The following HECTD4 variants were observed in gnomAD, a reference collection of about 807,000 sequenced individuals.
HECTD4 encodes HECT domain E3 ubiquitin protein ligase 4, also known as probable E3 ubiquitin-protein ligase HECTD4.
HECTD4 carries 114 observed loss-of-function variants against 471.5 expected under a neutral mutation model. The observed-to-expected ratio is 0.24, with a 90% CI of 0.21 to 0.28. HECTD4 has a LOEUF of 0.28. HECTD4 is among the 10% of genes least tolerant of loss of function. HECTD4 has a pLI of 1.00. For synonymous variants in HECTD4, 2,012 were observed against 2,256.0 expected, an observed-to-expected ratio of 0.89 and a Z score of 3.07; for missense variants, 3,866 against 5,651.5, an observed-to-expected ratio of 0.68 and a Z score of 10.13.
intron 66 of HECTD4, among the ~76,000 whole-genome samples, chr12:112,174,452 C>A (rs1566060570): frequency 6.7e-6 from 1 of 150,350 alleles, no homozygotes. Context: ...CAGGGTTTCA[C>A]CACGTTGATC....
intron 44 of HECTD4, 107 bp from the exon 45 acceptor site, chr12:112,219,596 C>A: frequency 4.4e-6 from 3 of 676,564 alleles, no homozygotes; most frequent in Non-Finnish European, 2.4e-6. Context: ...TTATAGAGCT[C>A]ATTGAATTTT....
rs2030754803 is a variant in HECTD4, at chr12:112,163,009, C to T, written c.13120+33G>A. On this transcript the variant is annotated intron_variant, in intron 75 of 75. Coordinates refer to ENST00000682272, the MANE Select transcript of HECTD4 (RefSeq NM_001388303.1). The surrounding 1 kb of genome is among the most constrained non-coding windows in gnomAD (Gnocchi z 8.2). ...CCAAACAGAGAAAGGCTAGTGTGTC[C>T]CTACTTGGGACATGGCCAGGGGAGG... 6.6e-7 allele frequency: 1 copy of T among 1,508,678 alleles called. No individual in the cohort carries two copies. The highest frequency in any genetic ancestry group is 1.7e-5 in the Admixed American group (1 of 57,480). The allele number at this position is 1,508,678 out of a possible 1,614,324, so 93.5% of individuals were successfully genotyped here.
intron 55 of HECTD4, 127 bp downstream of exon 55, chr12:112,200,511 C>T (rs1180819449): frequency 9.9e-7 from 1 of 1,005,296 alleles, no homozygotes; most frequent in African/African-American, 1.6e-5. Flanking sequence ...TCTTTATTAG[C>T]TGCCTTCTCT....
chr12:112,304,754 T>C (rs1281106805), intron 7 of HECTD4, among the ~76,000 whole-genome samples: 2 of 152,100 alleles, frequency 1.3e-5, no homozygotes, highest in Non-Finnish European at 2.9e-5. Flanking sequence ...AGATTCACTC[T>C]GGCAGGGACA....
At chr12:112,264,530 G>T (rs2135606949) in intron 16 of HECTD4, among the ~76,000 whole-genome samples, 1 of 152,042 alleles carries the variant, frequency 6.6e-6, no homozygotes, top group South Asian at 2.1e-4. Context: ...ACCCTTAAAA[G>T]AATCTTTTGA....
rs2032936533 is a variant in HECTD4, at chr12:112,217,033, C to T, written c.7236+1G>A. 6.3e-7 allele frequency: 1 copy of T among 1,583,446 alleles called. No homozygotes were observed. Among genetic ancestry groups the T allele is most frequent in the Non-Finnish European group, 8.6e-7 (1 of 1,160,528 alleles). On this transcript the variant is annotated splice_donor_variant, in intron 46 of 75. Coordinates refer to ENST00000682272, the MANE Select transcript of HECTD4 (RefSeq NM_001388303.1). LOFTEE classifies it high-confidence loss of function. ...AGACAGTGTGTCATGTGATGTCTCA[C>T]CTGAACTGGCAGTGGTGAAGTGGCA...
chr12:112,326,040 C>T (rs111767961), intron 1 of HECTD4, among the ~76,000 whole-genome samples: 2 of 152,242 alleles, frequency 1.3e-5, no homozygotes, highest in South Asian at 2.1e-4. Context: ...CCTCCTGCCT[C>T]GGCCTCCCAA....
intron 8 of HECTD4, among the ~76,000 whole-genome samples, chr12:112,282,169 G>C (rs2034658421): frequency 6.6e-6 from 1 of 152,114 alleles, no homozygotes; most frequent in Non-Finnish European, 1.5e-5. Flanking sequence ...GGATCACGAG[G>C]TCAGGAGATC....
chr12:112,325,351 T>G (rs909460361), intron 1 of HECTD4, among the ~76,000 whole-genome samples: 3 of 152,222 alleles, frequency 2.0e-5, no homozygotes, highest in Non-Finnish European at 4.4e-5. Context: ...AAGCACACTA[T>G]GCTTTCAGAA....
chr12:112,301,051 AT>A (rs201813490), intron 7 of HECTD4, among the ~76,000 whole-genome samples: 6,154 of 148,642 alleles, frequency 0.041, 282 homozygotes, highest in African/African-American at 0.11. Flanking sequence ...TGCCCGGCTA[AT>A]TTTTTTTTTA....
intron 27 of HECTD4, 24 bp from the exon 28 acceptor site, chr12:112,247,574 C>T: frequency 8.1e-7 from 1 of 1,237,320 alleles, no homozygotes; most frequent in Non-Finnish European, 1.1e-6. Flanking sequence ...AGATGGTATG[C>T]AGAATCTGCA....
At chr12:112,354,044 A>G (rs375424249) in intron 1 of HECTD4, among the ~76,000 whole-genome samples, 7 of 151,998 alleles carry the variant, frequency 4.6e-5, no homozygotes, top group African/African-American at 1.4e-4. Context: ...CCTACCTCTA[A>G]GAATAATAAT....
At chr12:112,206,204 G>C (rs1052820594) in intron 52 of HECTD4, among the ~76,000 whole-genome samples, 3 of 152,138 alleles carry the variant, frequency 2.0e-5, no homozygotes, top group African/African-American at 7.2e-5. Flanking sequence ...TGGGTGAAAG[G>C]GCAGGTGTTG....
intron 51 of HECTD4, 106 bp from the exon 52 acceptor site, chr12:112,208,106 G>T: frequency 1.6e-6 from 2 of 1,289,386 alleles, no homozygotes; most frequent in Non-Finnish European, 2.1e-6. Context: ...CCACTTAAAT[G>T]CCAGTAATAG....
intron 7 of HECTD4, among the ~76,000 whole-genome samples, chr12:112,288,326 A>C (rs2034801316): frequency 6.6e-6 from 1 of 151,296 alleles, no homozygotes; most frequent in Non-Finnish European, 1.5e-5. Context: ...CTCAAAAAAA[A>C]AAAAAAAAAG....
intron 2 of HECTD4, 36 bp from the exon 3 acceptor site, chr12:112,314,582 A>G: frequency 8.4e-7 from 1 of 1,186,640 alleles, no homozygotes; most frequent in Non-Finnish European, 1.2e-6. Context: ...AATCATCAAA[A>G]TTTAAAATCA....
chr12:112,261,448 C>A lies in HECTD4; in HGVS notation c.2749-19G>T. On this transcript the variant is annotated intron_variant, in intron 17 of 75. Transcript: ENST00000682272. ...TTAGCTCCTAGGCAGAAAATATCAT[C>A]ATATTATTTTTAAGCTTTGTGATGA... 3 of 1,584,314 alleles carry A rather than the reference C, an allele frequency of 1.9e-6. No individual in the cohort carries two copies. The highest frequency in any genetic ancestry group is 2.6e-6 in the Non-Finnish European group (3 of 1,157,004).
chr12:112,356,584 G>A (rs1424616273), intron 1 of HECTD4, among the ~76,000 whole-genome samples: 5 of 151,934 alleles, frequency 3.3e-5, no homozygotes, highest in Admixed American at 1.3e-4. Flanking sequence ...GACTACAGGC[G>A]TGCACCACCA....
chr12:112,163,792 G>C lies in HECTD4; in HGVS notation c.12702-55C>G. ...GAACACCGCCGAAGAGGCTGGGTCT[G>C]GGGGCCACACCCACTCAGCTGGAGG... On this transcript the variant is annotated intron_variant, in intron 73 of 75. Transcript: ENST00000682272. The surrounding 1 kb of genome is among the most constrained non-coding windows in gnomAD (Gnocchi z 8.2). The C allele has an allele frequency of 7.3e-7, 1 of 1,379,208 alleles. No homozygotes were observed. The highest frequency in any genetic ancestry group is 9.5e-7 in the Non-Finnish European group (1 of 1,051,710). The allele number at this position is 1,379,208 out of a possible 1,614,324, so 85.4% of individuals were successfully genotyped here. A position where few individuals can be genotyped will look rare whatever the true frequency, so the allele number is the denominator to read the frequency against.
Sources: gnomAD v4.1 joint callset for allele counts (sites outside exome capture counted in the v4.1 genomes callset) on GRCh38, gnomAD v4.1.1 for gene constraint, Gnocchi (gnomAD v3.1) non-coding constraint, MANE v1.5 for transcripts, NCBI Gene and HGNC (gene_info 2026-07-23, HGNC 2026-07-21) for gene names.